The following DOCK3 variants were observed in gnomAD, a reference collection of about 807,000 sequenced individuals.
DOCK3 encodes dedicator of cytokinesis protein 3.
DOCK3 carries 60 observed loss-of-function variants against 265.6 expected under a neutral mutation model. The ratio of observed to expected loss-of-function variants is 0.23; its 90% CI spans 0.18 to 0.28. DOCK3 has a LOEUF of 0.28. Ranked by LOEUF, DOCK3 falls within the 10% of genes least tolerant of loss-of-function variation. DOCK3 has a pLI of 1.00. For missense variants in DOCK3, 1,981 were observed against 2,594.3 expected (o/e 0.76, Z 5.14); for synonymous variants, 881 against 938.0 (o/e 0.94, Z 1.11).
intron 10 of DOCK3, among the ~76,000 whole-genome samples, chr3:51,149,845 C>T (rs1347144913): frequency 1.3e-5 from 2 of 152,128 alleles, no homozygotes; most frequent in Non-Finnish European, 2.9e-5. Context: ...CAGGATGATG[C>T]TGGCCTCATA....
At chr3:51,004,477 T>C (rs2078598240) in intron 5 of DOCK3, among the ~76,000 whole-genome samples, 2 of 152,188 alleles carry the variant, frequency 1.3e-5, no homozygotes, top group African/African-American at 4.8e-5. Context: ...TAATTTGTTA[T>C]ACAGCTATAG....
intron 3 of DOCK3, among the ~76,000 whole-genome samples, chr3:50,842,498 C>T (rs2045889496): frequency 6.6e-6 from 1 of 152,164 alleles, no homozygotes. Context: ...AGTATCTTTA[C>T]ATTTTAATGC....
chr3:50,914,279 G>T (rs1000473479), intron 4 of DOCK3, among the ~76,000 whole-genome samples: 1 of 151,496 alleles, frequency 6.6e-6, no homozygotes. Context: ...CATTCTTGTT[G>T]TTCATTTGAG....
intron 5 of DOCK3, among the ~76,000 whole-genome samples, chr3:50,958,992 GCTA>G (rs2076809536): frequency 6.6e-6 from 1 of 152,068 alleles, no homozygotes; most frequent in Non-Finnish European, 1.5e-5. Flanking sequence ...ACAAAGTAGG[GCTA>G]CTATCACCAC....
intron 12 of DOCK3, among the ~76,000 whole-genome samples, chr3:51,199,254 C>T (rs148123414): frequency 5.4e-4 from 83 of 152,316 alleles, no homozygotes; most frequent in Admixed American, 6.5e-4. Context: ...ACTCGGGAAG[C>T]GCAAGGGGTC....
chr3:51,282,664 A>G (rs1384242697), intron 27 of DOCK3, among the ~76,000 whole-genome samples: 1 of 116,628 alleles, frequency 8.6e-6, no homozygotes, highest in East Asian at 2.4e-4. Context: ...AAAAAAAAAA[A>G]AAAAAGAAAA....
intron 12 of DOCK3, among the ~76,000 whole-genome samples, chr3:51,169,760 A>G (rs1371479598): frequency 6.6e-6 from 1 of 152,086 alleles, no homozygotes; most frequent in Non-Finnish European, 1.5e-5. Context: ...AAAAAAAAAG[A>G]AATGGTCATA....
intron 5 of DOCK3, among the ~76,000 whole-genome samples, chr3:50,941,029 T>C (rs1307409514): frequency 6.6e-6 from 1 of 152,118 alleles, no homozygotes; most frequent in Non-Finnish European, 1.5e-5. Flanking sequence ...AGTGGAGACA[T>C]GACACTAAAG....
At chr3:51,086,662 G>A (rs1353746051) in intron 7 of DOCK3, among the ~76,000 whole-genome samples, 2 of 152,146 alleles carry the variant, frequency 1.3e-5, no homozygotes, top group East Asian at 1.9e-4. Flanking sequence ...GCTGATCATG[G>A]TGGCACATAT....
chr3:51,264,583 T>G (rs931327534), intron 23 of DOCK3, among the ~76,000 whole-genome samples: 1 of 151,840 alleles, frequency 6.6e-6, no homozygotes, highest in African/African-American at 2.4e-5. Context: ...ATCCCAGCAC[T>G]TTGGGAGGCT....
intron 33 of DOCK3, 95 bp from the exon 34 acceptor site, chr3:51,332,906 C>T: frequency 6.5e-7 from 1 of 1,549,528 alleles, no homozygotes; most frequent in Non-Finnish European, 8.8e-7. Context: ...CAGTGGCATC[C>T]TTAGGAACTT....
intron 40 of DOCK3, among the ~76,000 whole-genome samples, chr3:51,350,828 C>T (rs993633582): frequency 2.6e-5 from 4 of 152,170 alleles, no homozygotes; most frequent in Non-Finnish European, 4.4e-5. Context: ...CTCCTGGCTG[C>T]ACTGTAGCCT....
chr3:51,334,656 G>T (rs1180396052), intron 35 of DOCK3, among the ~76,000 whole-genome samples: 1 of 152,142 alleles, frequency 6.6e-6, no homozygotes, highest in Non-Finnish European at 1.5e-5. Context: ...AGACTTCTTT[G>T]TTCACACCAG....
intron 5 of DOCK3, among the ~76,000 whole-genome samples, chr3:51,061,002 C>T (rs1251991041): frequency 6.6e-6 from 1 of 152,060 alleles, no homozygotes; most frequent in African/African-American, 2.4e-5. Flanking sequence ...CAAATCAAAA[C>T]CACAATGAGA....
At position 51,360,609 on chromosome 3, in the gene DOCK3, C is replaced by A; in HGVS notation, c.4983C>A (p.Ser1661Arg). ...CCCATAGCCCCATGAGTCCGGAGAGCATCAAGATGACCCACCGGCACAGGT... is the reference window on the plus strand; with the variant it reads ...CCCATAGCCCCATGAGTCCGGAGAGAATCAAGATGACCCACCGGCACAGGT... The part of the protein sequence containing the change: ...LASHSPMSPE[S>R]IKMTHRHSPM... The change falls in exon 47 of 53, where the codon AGC becomes AGA. Residue 1661 changes from serine (S) to arginine (R), a missense_variant. By Grantham distance (110) the Ser-to-Arg change is moderately radical (BLOSUM62 -1). Coordinates refer to ENST00000266037, the MANE Select transcript of DOCK3 (RefSeq NM_004947.5). The A allele has an allele frequency of 6.2e-7, 1 of 1,613,864 alleles. No individual in the cohort carries two copies. The highest frequency in any genetic ancestry group is 8.5e-7 in the Non-Finnish European group (1 of 1,179,854).
At chr3:51,350,809 T>C (rs544068522) in intron 40 of DOCK3, among the ~76,000 whole-genome samples, 4 of 152,240 alleles carry the variant, frequency 2.6e-5, no homozygotes, top group Non-Finnish European at 5.9e-5. Flanking sequence ...TCTAAGATGA[T>C]GGTTTTTCCT....
intron 6 of DOCK3, among the ~76,000 whole-genome samples, chr3:51,065,772 A>G (rs183154794): frequency 5.2e-4 from 79 of 152,352 alleles, no homozygotes; most frequent in Middle Eastern, 3.4e-3. Context: ...GAAACTTGCC[A>G]GTCACCTACC....
intron 1 of DOCK3, among the ~76,000 whole-genome samples, chr3:50,775,123 C>T (rs1184593201): frequency 1.3e-5 from 2 of 151,946 alleles, no homozygotes; most frequent in East Asian, 1.9e-4. Context: ...CCTTTAGTCT[C>T]ATGTCCTCAG....
At chr3:51,347,232 G>A (rs1164666752) in intron 38 of DOCK3, among the ~76,000 whole-genome samples, 1 of 152,152 alleles carries the variant, frequency 6.6e-6, no homozygotes, top group African/African-American at 2.4e-5. Flanking sequence ...TGTCCTGAAT[G>A]GTATTGCCTA....
Sources: gnomAD v4.1 joint callset for allele counts (sites outside exome capture counted in the v4.1 genomes callset) on GRCh38, gnomAD v4.1.1 for gene constraint, MANE v1.5 for transcripts, NCBI Gene and HGNC (gene_info 2026-07-23, HGNC 2026-07-21) for gene names.